The following GALNT13 variants were observed in gnomAD, a reference collection of about 807,000 sequenced individuals.
GALNT13 encodes the protein polypeptide N-acetylgalactosaminyltransferase 13, also known as UDP-GalNAc:polypeptide N-acetylgalactosaminyltransferase 13.
In GALNT13, 28 loss-of-function variants were observed where a neutral mutation model predicts 64.2. The observed-to-expected ratio is 0.44, with a 90% CI of 0.32 to 0.60. The LOEUF (loss-of-function observed/expected upper bound fraction) is 0.60, where lower values mean the gene tolerates loss of function less well. Ranked by LOEUF, GALNT13 falls within the 20% of genes least tolerant of loss-of-function variation. The pLI, the probability that GALNT13 is intolerant of heterozygous loss-of-function variation, is 0.05. For synonymous variants in GALNT13, 214 were observed against 224.6 expected (o/e 0.95, Z 0.42); for missense variants, 577 against 669.8 (o/e 0.86, Z 1.53).
At chr2:153,612,771 T>C in the GALNT13 span, among the ~76,000 whole-genome samples, 1 of 152,160 alleles carries the variant, frequency 6.6e-6, no homozygotes, top group South Asian at 2.1e-4. Flanking sequence ...GAACAATCTA[T>C]TATCAAAAGA....
intron 3 of GALNT13, among the ~76,000 whole-genome samples, chr2:154,120,532 G>A (rs1681881243): frequency 6.6e-6 from 1 of 152,122 alleles, no homozygotes; most frequent in Admixed American, 6.6e-5. Context: ...AACCAGTGTA[G>A]CCCCTTTATT....
intron 9 of GALNT13, among the ~76,000 whole-genome samples, chr2:154,352,878 A>G (rs2105260456): frequency 6.6e-6 from 1 of 152,244 alleles, no homozygotes; most frequent in Middle Eastern, 3.4e-3. Flanking sequence ...TCTAACTGGG[A>G]CCATCTCCTT....
the GALNT13 span, among the ~76,000 whole-genome samples, chr2:153,262,516 T>G: frequency 6.6e-6 from 1 of 152,140 alleles, no homozygotes; most frequent in Non-Finnish European, 1.5e-5. Context: ...TTTAGGCCAG[T>G]ATCCGTGATT....
chr2:153,156,583 G>T, the GALNT13 span, among the ~76,000 whole-genome samples: 1 of 152,050 alleles, frequency 6.6e-6, no homozygotes, highest in Non-Finnish European at 1.5e-5. Flanking sequence ...ACTTCTAGTA[G>T]ATTTGATATA....
At chr2:154,118,333 A>G (rs556728263) in intron 3 of GALNT13, among the ~76,000 whole-genome samples, 11 of 135,826 alleles carry the variant, frequency 8.1e-5, no homozygotes, top group African/African-American at 2.2e-4. Context: ...TTTTTTAAGT[A>G]TAACTATGCT....
At chr2:153,729,112 G>T in the GALNT13 span, among the ~76,000 whole-genome samples, 2 of 152,144 alleles carry the variant, frequency 1.3e-5, no homozygotes, top group African/African-American at 4.8e-5. Context: ...AATAGAAAAA[G>T]AAGGACTACT....
intron 2 of GALNT13, among the ~76,000 whole-genome samples, chr2:153,942,371 T>G (rs1338103452): frequency 6.6e-6 from 1 of 152,090 alleles, no homozygotes; most frequent in Non-Finnish European, 1.5e-5. Context: ...CCGTCAATGT[T>G]ATAGGTACTT....
chr2:153,588,011 C>G, the GALNT13 span, among the ~76,000 whole-genome samples: 202 of 152,302 alleles, frequency 1.3e-3, no homozygotes, highest in South Asian at 4.8e-3. Context: ...GTGGGGCAGT[C>G]AAATCTTAAA....
chr2:154,310,800 C>T (rs998434068), intron 9 of GALNT13, among the ~76,000 whole-genome samples: 1 of 152,020 alleles, frequency 6.6e-6, no homozygotes, highest in Non-Finnish European at 1.5e-5. Context: ...AATCTCTGCA[C>T]TTAGTTTGTT....
the GALNT13 span, among the ~76,000 whole-genome samples, chr2:153,835,677 T>C: frequency 1.3e-5 from 2 of 150,260 alleles, no homozygotes; most frequent in African/African-American, 5.0e-5. Flanking sequence ...TGCTTCATAA[T>C]ATAAAAGAGT....
chr2:153,417,998 C>T, the GALNT13 span, among the ~76,000 whole-genome samples: 1 of 152,084 alleles, frequency 6.6e-6, no homozygotes, highest in East Asian at 1.9e-4. Flanking sequence ...GGAGAACCAG[C>T]AAGAGAGAAT....
At chr2:153,255,809 G>C in the GALNT13 span, among the ~76,000 whole-genome samples, 5 of 152,202 alleles carry the variant, frequency 3.3e-5, no homozygotes, top group African/African-American at 7.2e-5. Context: ...CTCTCTTCTG[G>C]CTGGTAGAGT....
intron 8 of GALNT13, among the ~76,000 whole-genome samples, 172 bp from the exon 9 acceptor site, chr2:154,301,237 A>G (rs1450405146): frequency 2.0e-5 from 3 of 152,222 alleles, no homozygotes; most frequent in Non-Finnish European, 4.4e-5. Flanking sequence ...AAATATATCA[A>G]GATCTTCCAA....
chr2:153,728,060 C>T, the GALNT13 span, among the ~76,000 whole-genome samples: 3 of 152,276 alleles, frequency 2.0e-5, no homozygotes, highest in South Asian at 2.1e-4. Context: ...CATGTCTCTG[C>T]AAAGGAGATG....
chr2:154,360,156 T>G lies in GALNT13; in HGVS notation c.1157-35835T>G, dbSNP rs552774882. On this transcript the variant is annotated intron_variant, in intron 9 of 12. Coordinates refer to ENST00000392825, the MANE Select transcript of GALNT13 (RefSeq NM_052917.4). ...TGACTGCTTTTTTTCCTTGATTGTT[T>G]GTAAATATTCACATATACATATGTT... Among the ~76,000 whole-genome samples the G allele has an allele frequency of 1.6e-4, 24 of 152,302 alleles. No individual in the cohort carries two copies. In the South Asian group the frequency reaches 2.3e-3, roughly 14 times the overall value.
the GALNT13 span, among the ~76,000 whole-genome samples, chr2:153,742,864 A>C: frequency 6.6e-6 from 1 of 150,568 alleles, no homozygotes; most frequent in Non-Finnish European, 1.5e-5. Flanking sequence ...TGTTGTGAAC[A>C]GTGCTTTGAG....
chr2:153,071,877 A>G, the GALNT13 span, among the ~76,000 whole-genome samples: 3 of 152,172 alleles, frequency 2.0e-5, no homozygotes, highest in African/African-American at 4.8e-5. Context: ...TATGTGGCCC[A>G]GAAAGCCTAA....
chr2:154,295,250 T>G (rs1177919355), intron 8 of GALNT13, among the ~76,000 whole-genome samples: 1 of 152,190 alleles, frequency 6.6e-6, no homozygotes, highest in African/African-American at 2.4e-5. Context: ...CAATTATTGC[T>G]TTTATGCTCT....
At chr2:153,890,876 G>C (rs894441606) in intron 1 of GALNT13, among the ~76,000 whole-genome samples, 1 of 151,990 alleles carries the variant, frequency 6.6e-6, no homozygotes, top group African/African-American at 2.4e-5. Context: ...TCAGGAGTGA[G>C]ATCTGGTCAC....
Sources: gnomAD v4.1 joint callset for allele counts (sites outside exome capture counted in the v4.1 genomes callset) on GRCh38, gnomAD v4.1.1 for gene constraint, MANE v1.5 for transcripts, NCBI Gene and HGNC (gene_info 2026-07-23, HGNC 2026-07-21) for gene names.